Variants in CACNG3 observed in about 807,000 individuals in gnomAD.
CACNG3 encodes voltage-dependent calcium channel gamma-3 subunit.
Under a neutral mutation model 28.5 loss-of-function variants are expected in CACNG3, and 3 were observed. That is an observed-to-expected ratio of 0.11 (90% confidence interval 0.05 to 0.27). The LOEUF (loss-of-function observed/expected upper bound fraction) is 0.27. Ranked by LOEUF, CACNG3 falls within the 10% of genes least tolerant of loss-of-function variation. The probability of loss-of-function intolerance (pLI) is 1.00; values close to 1 mark genes in which losing one functional copy is unlikely to be tolerated. For missense variants in CACNG3, 236 were observed against 414.4 expected (o/e 0.57, Z 3.74); for synonymous variants, 174 against 162.2 (o/e 1.07, Z -0.55).
chr16:24,269,262 A>C (rs542693005), intron 1 of CACNG3, among the ~76,000 whole-genome samples: 7 of 152,318 alleles, frequency 4.6e-5, no homozygotes, highest in Non-Finnish European at 8.8e-5. Context: ...CAATAAATAC[A>C]CCTTGAATTT....
chr16:24,360,831 A>C (rs1900094747), intron 3 of CACNG3, among the ~76,000 whole-genome samples: 1 of 152,142 alleles, frequency 6.6e-6, no homozygotes, highest in African/African-American at 2.4e-5. Context: ...GATTTGCAGG[A>C]TCCGGCTCAA....
intron 1 of CACNG3, among the ~76,000 whole-genome samples, chr16:24,288,198 G>A (rs1043193429): frequency 1.4e-4 from 21 of 152,158 alleles, no homozygotes; most frequent in African/African-American, 4.3e-4. Flanking sequence ...TGATGGTGAT[G>A]GTGATGGTGA....
chr16:24,324,578 C>T (rs1899512437), intron 1 of CACNG3, among the ~76,000 whole-genome samples: 1 of 152,160 alleles, frequency 6.6e-6, no homozygotes, highest in Non-Finnish European at 1.5e-5. Context: ...TGCCCCCACC[C>T]CAGATCATTC....
intron 1 of CACNG3, among the ~76,000 whole-genome samples, chr16:24,299,319 CT>C (rs1385342632): frequency 6.6e-6 from 1 of 152,116 alleles, no homozygotes; most frequent in African/African-American, 2.4e-5. Flanking sequence ...ATTGTTCCAC[CT>C]TCGGCACTGG....
At chr16:24,349,489 A>G (rs964838910) in intron 2 of CACNG3, among the ~76,000 whole-genome samples, 5 of 152,216 alleles carry the variant, frequency 3.3e-5, no homozygotes, top group Admixed American at 6.5e-5. Context: ...CAGGAGGCGA[A>G]TTATTCATAA....
rs8045133 is a variant in CACNG3 at position 24,320,679 on chromosome 16, G to T, written c.212-26055G>T. 1.9e-3 allele frequency among the ~76,000 whole-genome samples: 295 copies of T among 152,034 alleles called. 2 individuals are homozygous for T. Among genetic ancestry groups the T allele is most frequent in the African/African-American group, 6.9e-3 (287 of 41,460 alleles). ...AGTTACCTATGGTCAACTAAGTTTC[G>T]AAAATATTAAATGGAAAATTCCAGA... On this transcript the variant is annotated intron_variant, in intron 1 of 3. Transcript: ENST00000005284.
At chr16:24,264,258 C>T (rs142396114) in intron 1 of CACNG3, among the ~76,000 whole-genome samples, 14 of 152,334 alleles carry the variant, frequency 9.2e-5, no homozygotes, top group East Asian at 1.9e-4. Flanking sequence ...AGTTAGCCCA[C>T]GCTCCGCTCA....
chr16:24,355,753 A>G (rs540128730), intron 3 of CACNG3, among the ~76,000 whole-genome samples: 4 of 152,216 alleles, frequency 2.6e-5, no homozygotes, highest in East Asian at 3.9e-4. Context: ...ATGCCAATCA[A>G]TACTCTGCCA....
chr16:24,257,368 GGAGAGAGAGAGAGAGAGAGAGAGAGA>G lies in CACNG3; in HGVS notation c.211+438_211+463del, dbSNP rs71154293. On this transcript the variant is annotated intron_variant, in intron 1 of 3. Coordinates refer to ENST00000005284, the MANE Select transcript of CACNG3 (RefSeq NM_006539.4). ...GGGACAAGAGGAAAGAAGTGAGGGG[GGAGAGAGAGAGAGAGAGAGAGAGAGA>G]GAGAGAGAGAGAGAGAGAGAGAGAG... Among the ~76,000 whole-genome samples the G allele has an allele frequency of 7.6e-4, 40 of 52,864 alleles. 2 individuals carry two copies. The highest frequency in any genetic ancestry group is 4.8e-3 in the East Asian group (8 of 1,662). 34.7% of individuals were successfully genotyped at this position (52,864 alleles called of 152,430 possible).
chr16:24,359,525 C>A (rs1314779468), intron 3 of CACNG3, among the ~76,000 whole-genome samples: 3 of 152,066 alleles, frequency 2.0e-5, no homozygotes, highest in Non-Finnish European at 2.9e-5. Flanking sequence ...TAGCCCTGTA[C>A]TCTGGAGAAA....
At chr16:24,317,698 AAGAAAGAAAG>A (rs1899399641) in intron 1 of CACNG3, among the ~76,000 whole-genome samples, 1 of 110,506 alleles carries the variant, frequency 9.0e-6, no homozygotes, top group African/African-American at 3.8e-5. Flanking sequence ...GAAAGAAAGA[AAGAAAGAAAG>A]AAAGAAAAGA....
intron 1 of CACNG3, among the ~76,000 whole-genome samples, chr16:24,270,774 G>C (rs547668110): frequency 6.6e-6 from 1 of 152,338 alleles, no homozygotes; most frequent in South Asian, 2.1e-4. Context: ...AAGCAGAGAA[G>C]GTGTGTTGGG....
intron 1 of CACNG3, among the ~76,000 whole-genome samples, chr16:24,317,630 GACAGAAAGAAAGA>G (rs1191798256): frequency 2.4e-5 from 1 of 41,096 alleles, no homozygotes; most frequent in African/African-American, 1.2e-4. Flanking sequence ...AAGAAAGACA[GACAGAAAGAAAGA>G]AAAGAAAAGA....
intron 1 of CACNG3, among the ~76,000 whole-genome samples, chr16:24,313,073 G>GAGGGAGGAAGGAAGGAAGGAAGGA (rs373092539): frequency 2.2e-5 from 3 of 137,924 alleles, no homozygotes; most frequent in African/African-American, 8.5e-5. Context: ...GCGAGGGAGG[G>GAGGGAGGAAGGAAGGAAGGAAGGA]AGGAAGGAAG....
At chr16:24,302,388 A>C (rs1260648849) in intron 1 of CACNG3, among the ~76,000 whole-genome samples, 1 of 152,190 alleles carries the variant, frequency 6.6e-6, no homozygotes, top group Non-Finnish European at 1.5e-5. Flanking sequence ...ATGCAGTTAC[A>C]AAATACAAAA....
intron 1 of CACNG3, among the ~76,000 whole-genome samples, chr16:24,269,774 G>GAAGAAAGAAAGAAAAAGA (rs1201523674): frequency 7.6e-6 from 1 of 132,308 alleles, no homozygotes; most frequent in Admixed American, 7.5e-5. Context: ...AAAAGAGAAA[G>GAAGAAAGAAAGAAAAAGA]AAGAAAGAAA....
At chr16:24,286,326 T>A (rs1318285875) in intron 1 of CACNG3, among the ~76,000 whole-genome samples, 1 of 151,974 alleles carries the variant, frequency 6.6e-6, no homozygotes, top group Non-Finnish European at 1.5e-5. Context: ...ATAATCTTAA[T>A]AGATATTGAC....
At chr16:24,313,013 GAA>G (rs1233891689) in intron 1 of CACNG3, among the ~76,000 whole-genome samples, 3 of 148,396 alleles carry the variant, frequency 2.0e-5, no homozygotes, top group African/African-American at 2.5e-5. Flanking sequence ...GAAAAAGAGA[GAA>G]AGAGAGAGAG....
At chr16:24,264,787 G>T (rs977415402) in intron 1 of CACNG3, among the ~76,000 whole-genome samples, 1 of 152,224 alleles carries the variant, frequency 6.6e-6, no homozygotes, top group African/African-American at 2.4e-5. Flanking sequence ...TGACTGGGAA[G>T]TTATGAAATC....
Sources: gnomAD v4.1 joint callset for allele counts (sites outside exome capture counted in the v4.1 genomes callset) on GRCh38, gnomAD v4.1.1 for gene constraint, MANE v1.5 for transcripts, NCBI Gene and HGNC (gene_info 2026-07-23, HGNC 2026-07-21) for gene names.